The following CORIN variants were observed in gnomAD, a reference collection of about 807,000 sequenced individuals.
The protein encoded by CORIN is corin, serine peptidase, also known as atrial natriuretic peptide-converting enzyme.
A neutral mutation model predicts 125.3 loss-of-function variants in CORIN; 117 were observed. The ratio of observed to expected loss-of-function variants is 0.93; its 90% confidence interval spans 0.80 to 1.09. The LOEUF (loss-of-function observed/expected upper bound fraction) is 1.09, where lower values mean the gene tolerates loss of function less well. Among genes scored for constraint, CORIN ranks in the 50% least tolerant of loss-of-function variants. CORIN has a pLI of 0.00. For synonymous variants in CORIN, 450 were observed against 466.4 expected (o/e 0.96, Z 0.45); for missense variants, 1,253 against 1,306.7 (o/e 0.96, Z 0.63).
At chr4:47,635,842 G>GC (rs1448166478) in intron 16 of CORIN, among the ~76,000 whole-genome samples, 2 of 152,152 alleles carry the variant, frequency 1.3e-5, no homozygotes, top group Non-Finnish European at 2.9e-5. Context: ...GGGTCTCCTG[G>GC]CATATCTAGC....
At chr4:47,639,006 C>T (rs1723134893) in intron 16 of CORIN, among the ~76,000 whole-genome samples, 1 of 152,138 alleles carries the variant, frequency 6.6e-6, no homozygotes, top group African/African-American at 2.4e-5. Flanking sequence ...AAATCAACTG[C>T]CTCTATCATG....
intron 4 of CORIN, 88 bp from the exon 5 acceptor site, chr4:47,744,671 T>C: frequency 8.0e-7 from 1 of 1,247,058 alleles, no homozygotes. Flanking sequence ...AGCCCCTGTG[T>C]TGTGATATTA....
intron 5 of CORIN, among the ~76,000 whole-genome samples, chr4:47,729,913 G>T (rs776764608): frequency 1.3e-5 from 2 of 152,150 alleles, no homozygotes; most frequent in Admixed American, 1.3e-4. Context: ...AAGTCTGGCC[G>T]CTGGGTGCTC....
At chr4:47,727,347 T>C (rs7671780) in intron 5 of CORIN, among the ~76,000 whole-genome samples, 134,111 of 152,062 alleles carry the variant, frequency 0.88, 59,254 homozygotes, top group East Asian at 0.98. Context: ...AACTCTGATA[T>C]AGTCTACACA....
chr4:47,652,107 A>C (rs1723759103), intron 13 of CORIN, among the ~76,000 whole-genome samples: 1 of 152,216 alleles, frequency 6.6e-6, no homozygotes, highest in African/African-American at 2.4e-5. Context: ...TAAATCACTT[A>C]TATAAGGTAT....
intron 1 of CORIN, among the ~76,000 whole-genome samples, chr4:47,831,217 T>C (rs981921708): frequency 6.6e-6 from 1 of 152,190 alleles, no homozygotes; most frequent in East Asian, 1.9e-4. Context: ...CTCTGATGGT[T>C]TGGACATGTA....
rs766419774 is a variant in CORIN, at chr4:47,763,467, A to G, written c.529T>C (p.Tyr177His). ...TGATAGCAACTGAGGCGATGGAGAT[A>G]TGTGAAAAACTTGAGGAACTTTTCC... Reference protein sequence around the residue: ...EMEKFLKFFTYLHRLSCYQHI... With the variant: ...EMEKFLKFFTHLHRLSCYQHI... Residue 177 changes from tyrosine to histidine, a missense_variant, in exon 4 of 22, where the codon TAT becomes CAT. Tyr to His is a moderately conservative substitution (Grantham distance 83). Coordinates refer to ENST00000273857, the MANE Select transcript of CORIN (RefSeq NM_006587.4). 4.3e-6 allele frequency: 7 copies of G among 1,614,060 alleles called. No individual in the cohort carries two copies. In the African/African-American group the frequency reaches 8.0e-5, roughly 18 times the overall value.
intron 3 of CORIN, among the ~76,000 whole-genome samples, chr4:47,765,306 G>C (rs1729675046): frequency 7.1e-6 from 1 of 140,588 alleles, no homozygotes; most frequent in Non-Finnish European, 1.5e-5. Flanking sequence ...GCGAGACTCC[G>C]TCCCCCAAAA....
intron 5 of CORIN, among the ~76,000 whole-genome samples, chr4:47,701,642 A>G (rs1035958075): frequency 6.6e-6 from 1 of 152,156 alleles, no homozygotes; most frequent in African/African-American, 2.4e-5. Flanking sequence ...CAGTCACAGT[A>G]AAAAATCCTA....
At chr4:47,724,126 G>T (rs561175007) in intron 5 of CORIN, among the ~76,000 whole-genome samples, 7 of 151,998 alleles carry the variant, frequency 4.6e-5, no homozygotes, top group Non-Finnish European at 8.8e-5. Context: ...TAAAGCAGCT[G>T]TAATAACCAT....
At chr4:47,720,234 T>C (rs1727286116) in intron 5 of CORIN, among the ~76,000 whole-genome samples, 2 of 152,212 alleles carry the variant, frequency 1.3e-5, no homozygotes, top group South Asian at 4.1e-4. Flanking sequence ...TATTCTGTAC[T>C]GGGCAGATCT....
intron 21 of CORIN, among the ~76,000 whole-genome samples, chr4:47,597,865 C>T (rs1339705544): frequency 6.6e-6 from 1 of 152,116 alleles, no homozygotes; most frequent in Non-Finnish European, 1.5e-5. Context: ...TGTCCCAGAA[C>T]AGCCAAAAGT....
intron 6 of CORIN, among the ~76,000 whole-genome samples, chr4:47,684,248 A>T (rs1057219449): frequency 1.3e-5 from 2 of 152,224 alleles, no homozygotes; most frequent in African/African-American, 4.8e-5. Context: ...ATAACAAATA[A>T]AATAAGTCAT....
At chr4:47,780,588 A>G (rs1349847924) in intron 3 of CORIN, among the ~76,000 whole-genome samples, 1 of 152,184 alleles carries the variant, frequency 6.6e-6, no homozygotes, top group Admixed American at 6.5e-5. Flanking sequence ...GGGAAAAAAA[A>G]CTGTCAAAGT....
intron 12 of CORIN, among the ~76,000 whole-genome samples, chr4:47,658,959 C>T (rs976011649): frequency 6.6e-6 from 1 of 152,226 alleles, no homozygotes; most frequent in Non-Finnish European, 1.5e-5. Context: ...GCCAGGCTAT[C>T]TCTTGAACAC....
intron 4 of CORIN, among the ~76,000 whole-genome samples, chr4:47,754,353 T>C (rs1729040988): frequency 1.3e-5 from 2 of 152,170 alleles, no homozygotes; most frequent in African/African-American, 4.8e-5. Context: ...CCAGAACTCA[T>C]GTGGCTGACT....
At position 47,735,349 on chromosome 4, in the gene CORIN, A is replaced by T. The variant is rs529219361; in HGVS notation, c.799+9053T>A. 4.6e-5 allele frequency among the ~76,000 whole-genome samples: 7 copies of T among 152,334 alleles called. No individual in the cohort carries two copies. In the East Asian group the frequency reaches 1.4e-3, roughly 29 times the overall value. On this transcript the variant is annotated intron_variant, in intron 5 of 21. Transcript: ENST00000273857. ...CTAGGTAAATATTACATCAAACACC[A>T]ATTGTCAGATGCATTTTTGGAGAAT...
At chr4:47,770,227 C>G (rs956642354) in intron 3 of CORIN, among the ~76,000 whole-genome samples, 7 of 151,930 alleles carry the variant, frequency 4.6e-5, no homozygotes, top group Non-Finnish European at 1.5e-5. Context: ...AAAATACATA[C>G]GAATGGCCAA....
intron 4 of CORIN, among the ~76,000 whole-genome samples, chr4:47,754,388 T>A (rs936086688): frequency 6.6e-6 from 1 of 152,140 alleles, no homozygotes; most frequent in African/African-American, 2.4e-5. Flanking sequence ...AGCAGATAAA[T>A]TCAGGAAAGT....
Sources: gnomAD v4.1 joint callset for allele counts (sites outside exome capture counted in the v4.1 genomes callset) on GRCh38, gnomAD v4.1.1 for gene constraint, MANE v1.5 for transcripts, NCBI Gene and HGNC (gene_info 2026-07-23, HGNC 2026-07-21) for gene names.